MYRIP: variants seen among roughly 807,000 people sequenced by gnomAD.
MYRIP encodes the protein myosin VIIA and Rab interacting protein.
In MYRIP, 49 loss-of-function variants were observed where a neutral mutation model predicts 98.0. The observed-to-expected ratio is 0.50, with a 90% CI of 0.40 to 0.63. The LOEUF is 0.63. Among genes scored for constraint, MYRIP ranks in the 30% least tolerant of loss-of-function variants. The pLI, the probability that MYRIP is intolerant of heterozygous loss-of-function variation, is 0.00. For synonymous variants in MYRIP, 404 were observed against 409.5 expected, an observed-to-expected ratio of 0.99 and a Z score of 0.16; for missense variants, 1,004 against 1,058.2, an observed-to-expected ratio of 0.95 and a Z score of 0.71.
intron 2 of MYRIP, among the ~76,000 whole-genome samples, chr3:39,965,118 C>A (rs990022376): frequency 5.9e-5 from 9 of 152,072 alleles, no homozygotes; most frequent in African/African-American, 2.2e-4. Flanking sequence ...CCATGTCTTT[C>A]CATAAATTTT....
At chr3:40,150,366 C>T (rs1032441933) in intron 3 of MYRIP, among the ~76,000 whole-genome samples, 1 of 152,224 alleles carries the variant, frequency 6.6e-6, no homozygotes, top group Non-Finnish European at 1.5e-5. Context: ...GCTGGGATTA[C>T]AGGCATGAGC....
At chr3:39,994,904 T>C (rs1946297835) in intron 2 of MYRIP, among the ~76,000 whole-genome samples, 2 of 152,234 alleles carry the variant, frequency 1.3e-5, no homozygotes, top group South Asian at 4.1e-4. Context: ...CTGCAGCCTC[T>C]GCTGCTGATA....
At chr3:40,060,611 G>GAGAGAGAGAGAGAGAGAGAGAGAGAA (rs1553609840) in intron 3 of MYRIP, among the ~76,000 whole-genome samples, 1 of 151,772 alleles carries the variant, frequency 6.6e-6, no homozygotes, top group East Asian at 1.9e-4. Context: ...GAGAGAGAGA[G>GAGAGAGAGAGAGAGAGAGAGAGAGAA]AGAGAGATTC....
intron 1 of MYRIP, among the ~76,000 whole-genome samples, chr3:39,853,941 A>G (rs1408117254): frequency 6.6e-6 from 1 of 152,182 alleles, no homozygotes; most frequent in African/African-American, 2.4e-5. Flanking sequence ...AAAGAGATAG[A>G]TGAGGACCCA....
upstream of MYRIP, among the ~76,000 whole-genome samples, chr3:39,809,328 C>A (rs1046525306): frequency 6.6e-6 from 1 of 151,042 alleles, no homozygotes; most frequent in Non-Finnish European, 1.5e-5. Flanking sequence ...AGGGAAGAGC[C>A]CCGGGAGGGG....
At chr3:40,094,457 G>A (rs1038418367) in intron 3 of MYRIP, among the ~76,000 whole-genome samples, 4 of 152,214 alleles carry the variant, frequency 2.6e-5, no homozygotes, top group Non-Finnish European at 4.4e-5. Context: ...GGCTTCTGGA[G>A]TAATGCTGTC....
At chr3:40,093,312 T>C (rs973056402) in intron 3 of MYRIP, among the ~76,000 whole-genome samples, 11 of 152,164 alleles carry the variant, frequency 7.2e-5, no homozygotes, top group Non-Finnish European at 1.3e-4. Flanking sequence ...GAAATTTATA[T>C]AGCATTTTTA....
At chr3:39,854,703 G>A (rs1942235470) in intron 1 of MYRIP, among the ~76,000 whole-genome samples, 1 of 152,176 alleles carries the variant, frequency 6.6e-6, no homozygotes, top group African/African-American at 2.4e-5. Flanking sequence ...CTTTTGGGGT[G>A]TTACAGAATC....
chr3:40,014,617 C>T (rs545137947), intron 2 of MYRIP, among the ~76,000 whole-genome samples: 1 of 152,268 alleles, frequency 6.6e-6, no homozygotes, highest in South Asian at 2.1e-4. Flanking sequence ...GGACACCAAG[C>T]CTTACACTCT....
intron 3 of MYRIP, among the ~76,000 whole-genome samples, chr3:40,054,743 C>G (rs753599861): frequency 1.1e-4 from 16 of 152,144 alleles, no homozygotes; most frequent in Non-Finnish European, 2.2e-4. Context: ...ATCTCATAAG[C>G]CTATTCCTTA....
At chr3:39,991,711 C>A (rs1946182980) in intron 2 of MYRIP, among the ~76,000 whole-genome samples, 1 of 152,170 alleles carries the variant, frequency 6.6e-6, no homozygotes, top group South Asian at 2.1e-4. Flanking sequence ...ACTCTGACCA[C>A]CCTATTCAAT....
intron 8 of MYRIP, among the ~76,000 whole-genome samples, chr3:40,179,696 C>T (rs1950843596): frequency 6.6e-6 from 1 of 152,154 alleles, no homozygotes; most frequent in Non-Finnish European, 1.5e-5. Context: ...TAAATTCAGT[C>T]ACAAACATGC....
chr3:39,917,076 A>G (rs187238073), intron 2 of MYRIP, among the ~76,000 whole-genome samples: 10 of 152,280 alleles, frequency 6.6e-5, no homozygotes, highest in Non-Finnish European at 1.2e-4. Flanking sequence ...ACTTGGTGAC[A>G]AAAGTTATTA....
intron 1 of MYRIP, among the ~76,000 whole-genome samples, chr3:39,830,823 T>C (rs1428680210): frequency 1.3e-5 from 2 of 152,106 alleles, no homozygotes; most frequent in Admixed American, 6.6e-5. Context: ...TGCTTTCCTG[T>C]ATAAAAAAGA....
chr3:39,833,338 G>GA (rs1176459946), intron 1 of MYRIP, among the ~76,000 whole-genome samples: 1 of 152,032 alleles, frequency 6.6e-6, no homozygotes, highest in Admixed American at 6.5e-5. Flanking sequence ...TAATCAAAAG[G>GA]AAAAAAATCA....
Position 40,083,393 on chromosome 3 carries a change from A to G in MYRIP, c.332+39122A>G, listed in dbSNP as rs529893102. On this transcript the variant is annotated intron_variant, in intron 3 of 16. Transcript: ENST00000302541. ...AAGAAGCACAGTCCTGGAGGGCCCA[A>G]TGTGGCTAAGATTGCTTTCTTCCTT... Among the ~76,000 whole-genome samples the G allele has an allele frequency of 2.8e-4, 42 of 152,096 alleles. No individual in the cohort carries two copies. In the South Asian group the frequency reaches 8.1e-3, roughly 29 times the overall value.
chr3:39,961,082 A>C (rs765765043), intron 2 of MYRIP, among the ~76,000 whole-genome samples: 14 of 152,162 alleles, frequency 9.2e-5, no homozygotes, highest in Non-Finnish European at 1.2e-4. Flanking sequence ...TGAATCCAAA[A>C]TGTTTATTTG....
chr3:40,032,227 T>A (rs1207687384), intron 2 of MYRIP, among the ~76,000 whole-genome samples: 2 of 152,196 alleles, frequency 1.3e-5, no homozygotes, highest in African/African-American at 2.4e-5. Context: ...TCTTTATTTC[T>A]GTCTTCATTT....
chr3:40,220,255 G>A (rs1952295326), intron 11 of MYRIP, among the ~76,000 whole-genome samples: 1 of 151,416 alleles, frequency 6.6e-6, no homozygotes, highest in South Asian at 2.1e-4. Context: ...AGACGAGTAG[G>A]TTGCAAAAAT....
Sources: allele counts gnomAD v4.1 joint callset (sites outside exome capture counted in the v4.1 genomes callset), GRCh38; gene constraint gnomAD v4.1.1; transcripts MANE v1.5; gene names NCBI Gene and HGNC (gene_info 2026-07-23, HGNC 2026-07-21).